QRICH2: variants seen among roughly 807,000 people sequenced by gnomAD.
QRICH2 encodes the protein glutamine-rich protein 2.
In QRICH2, 119 loss-of-function variants were observed where a neutral mutation model predicts 168.3. The ratio of observed to expected loss-of-function variants is 0.71; its 90% CI spans 0.61 to 0.82. QRICH2 has a LOEUF of 0.82. Among genes scored for constraint, QRICH2 ranks in the 40% least tolerant of loss-of-function variants. The probability of loss-of-function intolerance (pLI) is 0.00; values close to 1 mark genes in which losing one functional copy is unlikely to be tolerated. For synonymous variants in QRICH2, 894 were observed against 951.2 expected (o/e 0.94, Z 1.11); for missense variants, 2,241 against 2,491.6 (o/e 0.90, Z 2.14).
chr17:76,275,972 T>C, intron 17 of QRICH2, 25 bp from the exon 18 acceptor site: 8 of 1,602,876 alleles, frequency 5.0e-6, no homozygotes, highest in Non-Finnish European at 6.8e-6. Context: ...GAGGGAAGGG[T>C]CAGTGCTGAG....
chr17:76,306,196 C>G (rs12453857), intron 1 of QRICH2, among the ~76,000 whole-genome samples: 1 of 145,474 alleles, frequency 6.9e-6, no homozygotes, highest in Non-Finnish European at 1.5e-5. Context: ...AAAAAAAACC[C>G]AAAAAAATTA....
At chr17:76,297,901 CAG>C (rs1598499572) in intron 3 of QRICH2, among the ~76,000 whole-genome samples, 1 of 89,462 alleles carries the variant, frequency 1.1e-5, no homozygotes, top group East Asian at 3.1e-4. Flanking sequence ...TTTTTTGAGA[CAG>C]AGTCTTGCTG....
rs555650789 is a variant in QRICH2 at position 76,300,256 on chromosome 17, T to C, written c.705+4159A>G. Among the ~76,000 whole-genome samples, 8 of 152,282 alleles carry C rather than the reference T, an allele frequency of 5.3e-5. No individual in the cohort carries two copies. In the East Asian group the frequency reaches 1.5e-3, roughly 29 times the overall value. The stretch of plus-strand genomic sequence containing the variant: ...CATAGACACCTTTAAACATTTTTAC[T>C]TCTCCAGAGGTAAGAAAGCATGTGC... On this transcript the variant is annotated intron_variant, in intron 3 of 18. Coordinates refer to ENST00000680821, the MANE Select transcript of QRICH2 (RefSeq NM_001388453.1).
chr17:76,280,970 G>T lies in QRICH2; in HGVS notation c.4264-17C>A. On this transcript the variant is annotated splice_polypyrimidine_tract_variant and intron_variant, in intron 8 of 18. Transcript: ENST00000680821. The surrounding 1 kb of genome is among the most constrained non-coding windows in gnomAD (Gnocchi z 7.4). ...CTCCTCGTCCTGCGGCAGGAGGGAT[G>T]GGAAGGCTCTCGGAGGCTGCTGGCG... 6.2e-7 allele frequency: 1 copy of T among 1,605,322 alleles called. No homozygotes were observed. Among genetic ancestry groups the T allele is most frequent in the South Asian group, 1.1e-5 (1 of 90,996 alleles).
chr17:76,276,616 C>A, intron 17 of QRICH2, 64 bp downstream of exon 17: 1 of 1,275,858 alleles, frequency 7.8e-7, no homozygotes. Context: ...TGCCAGGCCC[C>A]ACAATGGATG....
In QRICH2 at chr17:76,290,875, G is replaced by T. The variant is rs2070973797; in HGVS notation, c.3712+140C>A. The T allele has an allele frequency of 2.2e-6, 3 of 1,333,450 alleles. No homozygotes were observed. The Admixed American group carries it at 7.7e-5, about 34-fold the overall frequency. 82.6% of individuals were successfully genotyped at this position (1,333,450 alleles called of 1,614,324 possible). A position where few individuals can be genotyped will look rare whatever the true frequency, so the allele number is the denominator to read the frequency against. ...TTTTTTTGGACTCTGAAGGCTGTGGGACATGCTCTGAATGACATGCTGTTT... is the reference window on the plus strand; with the variant it reads ...TTTTTTTGGACTCTGAAGGCTGTGGTACATGCTCTGAATGACATGCTGTTT... On this transcript the variant is annotated intron_variant, in intron 4 of 18. Transcript: ENST00000680821.
chr17:76,275,796 C>T (rs1167240849), intron 18 of QRICH2, 23 bp downstream of exon 18: 11 of 1,600,436 alleles, frequency 6.9e-6, no homozygotes, highest in Middle Eastern at 1.7e-4. Context: ...CCTGGCAGGA[C>T]GCCCCACCCA....
chr17:76,301,409 A>G (rs1368122396), intron 3 of QRICH2: 2 of 238,110 alleles, frequency 8.4e-6, no homozygotes, highest in African/African-American at 2.4e-5. Flanking sequence ...CTCTACTAAA[A>G]ATACAAAAAT....
intron 7 of QRICH2, among the ~76,000 whole-genome samples, chr17:76,283,373 C>CA (rs1477135795): frequency 6.6e-6 from 1 of 151,820 alleles, no homozygotes; most frequent in Non-Finnish European, 1.5e-5. Context: ...GTGGGGCCTC[C>CA]AAAAAAAGCC....
At chr17:76,279,507 T>A in intron 12 of QRICH2, 79 bp from the exon 13 acceptor site, 1 of 1,147,486 alleles carries the variant, frequency 8.7e-7, no homozygotes, top group Non-Finnish European at 1.3e-6. Flanking sequence ...TGCAGGCCCC[T>A]GGAAGCTCAG....
Position 76,292,573 on chromosome 17 carries a change from A to T in QRICH2, c.2154T>A (p.Ser718Arg), listed in dbSNP as rs1276888146. The change falls in exon 4 of 19, where the codon AGT becomes AGA. Residue 718 changes from serine (S) to arginine (R), a missense_variant. By Grantham distance (110) the Ser-to-Arg change is moderately radical (BLOSUM62 -1). This residue lies in a region of QRICH2 where 2,047 missense variants were observed against 2,303.8 expected (regional missense o/e 0.89). Transcript: ENST00000680821. ...GAACTGCACCAGGTTGAGCCAAATC[A>T]CTCTGATCTGCACCAGATTGTACCA... ...HGLVQSGADQ[S>R]DLAQPGAVQH... is the part of the protein sequence containing the mutation. 1 of 1,613,894 alleles carries T rather than the reference A, an allele frequency of 6.2e-7. No individual in the cohort carries two copies. Among genetic ancestry groups the T allele is most frequent in the South Asian group, 1.1e-5 (1 of 91,066 alleles).
intron 4 of QRICH2, among the ~76,000 whole-genome samples, chr17:76,290,520 A>G (rs1598489728): frequency 6.6e-6 from 1 of 151,352 alleles, no homozygotes; most frequent in East Asian, 1.9e-4. Flanking sequence ...AGCTGGGACT[A>G]CAGGTGTGTG....
intron 13 of QRICH2, 83 bp downstream of exon 13, chr17:76,279,280 G>A: frequency 7.2e-7 from 1 of 1,381,402 alleles, no homozygotes; most frequent in South Asian, 1.2e-5. Context: ...ATGAAAGAAA[G>A]GGAGAGGACA....
chr17:76,289,903 A>G, intron 5 of QRICH2, 89 bp downstream of exon 5: 3 of 809,044 alleles, frequency 3.7e-6, no homozygotes, highest in Non-Finnish European at 6.1e-6. Flanking sequence ...GTGAGCTGAG[A>G]TGGTGCCACT....
At chr17:76,289,777 A>C (rs1041286536) in intron 5 of QRICH2, among the ~76,000 whole-genome samples, 3 of 151,888 alleles carry the variant, frequency 2.0e-5, no homozygotes, top group African/African-American at 4.8e-5. Context: ...ATCTCTACTA[A>C]TAATAATACA....
At chr17:76,288,781 C>A (rs2070936481) in intron 5 of QRICH2, among the ~76,000 whole-genome samples, 1 of 151,868 alleles carries the variant, frequency 6.6e-6, no homozygotes, top group Admixed American at 6.6e-5. Context: ...AGAAAATCCA[C>A]AAACTGGACT....
At chr17:76,274,418 G>A (rs186860590) in intron 18 of QRICH2, among the ~76,000 whole-genome samples, 158 bp from the exon 19 acceptor site, 230 of 152,316 alleles carry the variant, frequency 1.5e-3, no homozygotes, top group African/African-American at 4.9e-3. Flanking sequence ...GGGGCACGGC[G>A]CAGGCCCATC....
In QRICH2 at chr17:76,274,192, G is replaced by GGTGGGCTGTGTTCGGCTGGGAGA; in HGVS notation, c.5528_5550dup (p.Pro1851SerfsTer51). 1 of 1,593,358 alleles carries GGTGGGCTGTGTTCGGCTGGGAGA rather than the reference G, an allele frequency of 6.3e-7. No homozygotes were observed. Among genetic ancestry groups the GGTGGGCTGTGTTCGGCTGGGAGA allele is most frequent in the Non-Finnish European group, 8.5e-7 (1 of 1,173,204 alleles). On this transcript the variant is annotated frameshift_variant, in exon 19 of 19. Transcript: ENST00000680821. LOFTEE classifies it low-confidence loss of function (END_TRUNC). ...TTTGCCACCGCGGCGGAGCTGGGCGGGTGGGCTGTGTTCGGCTGGGAGAGA... is the reference window on the plus strand; with the variant it reads ...TTTGCCACCGCGGCGGAGCTGGGCGGGTGGGCTGTGTTCGGCTGGGAGAGTGGGCTGTGTTCGGCTGGGAGAGA...
At chr17:76,305,037 T>C in intron 1 of QRICH2, 96 bp from the exon 2 acceptor site, 1 of 846,524 alleles carries the variant, frequency 1.2e-6, no homozygotes, top group African/African-American at 1.7e-5. Context: ...ACTCTCACAC[T>C]CAGACACACA....
Sources: gnomAD v4.1 joint callset for allele counts (sites outside exome capture counted in the v4.1 genomes callset) on GRCh38, gnomAD v4.1.1 for gene constraint, gnomAD v4.1.1 regional missense constraint, Gnocchi (gnomAD v3.1) non-coding constraint, MANE v1.5 for transcripts, NCBI Gene and HGNC (gene_info 2026-07-23, HGNC 2026-07-21) for gene names.